The following TMEM156 variants were observed in gnomAD, a reference collection of about 807,000 sequenced individuals.
TMEM156 encodes transmembrane protein 156.
Under a neutral mutation model 30.5 loss-of-function variants are expected in TMEM156, and 28 were observed. The observed-to-expected ratio is 0.92, with a 90% CI of 0.68 to 1.26. The LOEUF is 1.26. TMEM156 is among the 50% of genes most tolerant of loss of function. The probability of loss-of-function intolerance (pLI) is 0.00; values close to 1 mark genes in which losing one functional copy is unlikely to be tolerated. For missense variants in TMEM156, 351 were observed against 340.6 expected, an observed-to-expected ratio of 1.03 and a Z score of -0.24; for synonymous variants, 137 against 119.9, an observed-to-expected ratio of 1.14 and a Z score of -0.93.
chr4:39,008,156 C>A (rs1713871647), intron 1 of TMEM156, among the ~76,000 whole-genome samples: 1 of 152,040 alleles, frequency 6.6e-6, no homozygotes, highest in Non-Finnish European at 1.5e-5. Flanking sequence ...ACGTTCAGTA[C>A]CATGTTGAAT....
intron 1 of TMEM156, among the ~76,000 whole-genome samples, chr4:39,029,855 G>GA (rs1715415775): frequency 6.6e-6 from 1 of 151,464 alleles, no homozygotes; most frequent in Non-Finnish European, 1.5e-5. Context: ...TAAACCATTA[G>GA]AAAAAAATAA....
At chr4:38,986,832 AAAAAAAAAAAAAAAAAAAAG>A (rs1560362203) in intron 4 of TMEM156, among the ~76,000 whole-genome samples, 1 of 143,782 alleles carries the variant, frequency 7.0e-6, no homozygotes, top group Non-Finnish European at 1.5e-5. Context: ...AAAAAAAAAA[AAAAAAAAAAAAAAAAAAAAG>A]GAAAGCGACA....
chr4:39,013,640 T>C (rs1714280859), intron 1 of TMEM156, among the ~76,000 whole-genome samples: 1 of 151,990 alleles, frequency 6.6e-6, no homozygotes. Flanking sequence ...GACCTCATGA[T>C]CCACCCGCCT....
chr4:38,993,230 G>T (rs1197837853), intron 3 of TMEM156, among the ~76,000 whole-genome samples: 1 of 152,002 alleles, frequency 6.6e-6, no homozygotes, highest in Non-Finnish European at 1.5e-5. Context: ...AGGAGTTCAA[G>T]ACCAGCCTGG....
chr4:39,019,067 C>T (rs1577580450), intron 1 of TMEM156, among the ~76,000 whole-genome samples: 2 of 150,644 alleles, frequency 1.3e-5, no homozygotes, highest in Admixed American at 1.3e-4. Flanking sequence ...AGTTTTCATG[C>T]TCTGCAGAAT....
intron 1 of TMEM156, among the ~76,000 whole-genome samples, chr4:39,013,384 T>C (rs1166779687): frequency 1.1e-5 from 1 of 90,204 alleles, no homozygotes; most frequent in Non-Finnish European, 2.0e-5. Context: ...TTTATTTATT[T>C]ATTTATTTAT....
intron 1 of TMEM156, 118 bp downstream of exon 1, chr4:39,032,108 A>G: frequency 3.1e-6 from 2 of 644,128 alleles, no homozygotes; most frequent in Admixed American, 2.8e-5. Flanking sequence ...AGTTTTTCAG[A>G]TCTAGAACTT....
At chr4:39,012,797 T>G (rs1458049218) in intron 1 of TMEM156, among the ~76,000 whole-genome samples, 1 of 152,020 alleles carries the variant, frequency 6.6e-6, no homozygotes, top group Non-Finnish European at 1.5e-5. Flanking sequence ...AAAATTAGCC[T>G]GCCGTGGGGC....
In TMEM156 at chr4:38,998,752, G is replaced by C; in HGVS notation, c.246C>G (p.Asn82Lys). 1 of 1,613,864 alleles carries C rather than the reference G, an allele frequency of 6.2e-7. No individual in the cohort carries two copies. The highest frequency in any genetic ancestry group is 8.5e-7 in the Non-Finnish European group (1 of 1,179,912). ...RIFLNPSNFR[N>K]FTRTCQDITG... The stretch of plus-strand genomic sequence containing the variant: ...TGATGTCTTGGCAAGTCCTGGTGAA[G>C]TTACGAAAATTGGAGGGATTTAGAA... Residue 82 changes from asparagine (N) to lysine (K), a missense_variant, in exon 2 of 7, where the codon AAC (asparagine) becomes AAG (lysine). Physicochemically the swap from Asn to Lys is moderately conservative, Grantham distance 94 (BLOSUM62 0). Transcript: ENST00000381938.
At chr4:38,982,789 T>C (rs1332110897) in intron 5 of TMEM156, among the ~76,000 whole-genome samples, 1 of 152,210 alleles carries the variant, frequency 6.6e-6, no homozygotes, top group Admixed American at 6.5e-5. Flanking sequence ...TCACTCTTTT[T>C]GATGGACATA....
At chr4:38,990,626 C>A (rs62294545) in intron 3 of TMEM156, among the ~76,000 whole-genome samples, 28,548 of 151,882 alleles carry the variant, frequency 0.19, 3,012 homozygotes, top group Non-Finnish European at 0.23. Context: ...GCCCACCCAT[C>A]CCTGCAGCCT....
chr4:39,021,942 G>T (rs1030979142), intron 1 of TMEM156, among the ~76,000 whole-genome samples: 1 of 152,156 alleles, frequency 6.6e-6, no homozygotes, highest in Non-Finnish European at 1.5e-5. Context: ...ATTCTTTGAA[G>T]ATCCGATTCT....
chr4:38,992,334 C>T (rs1291711304), intron 3 of TMEM156, among the ~76,000 whole-genome samples: 2 of 151,916 alleles, frequency 1.3e-5, no homozygotes, highest in Admixed American at 1.3e-4. Context: ...ACAGCAGGCA[C>T]TCATTAAATG....
At chr4:39,014,414 T>C (rs1380384261) in intron 1 of TMEM156, among the ~76,000 whole-genome samples, 1 of 152,138 alleles carries the variant, frequency 6.6e-6, no homozygotes, top group Non-Finnish European at 1.5e-5. Flanking sequence ...CCAGTTTCTG[T>C]AGATAGAATC....
chr4:39,012,759 G>A (rs1251733201), intron 1 of TMEM156, among the ~76,000 whole-genome samples: 1 of 152,088 alleles, frequency 6.6e-6, no homozygotes, highest in African/African-American at 2.4e-5. Flanking sequence ...GGCTGACATG[G>A]TGAAACCCCA....
chr4:38,974,141 G>A (rs1722737029), intron 5 of TMEM156, among the ~76,000 whole-genome samples: 1 of 150,728 alleles, frequency 6.6e-6, no homozygotes, highest in African/African-American at 2.4e-5. Context: ...TTTTATTTAG[G>A]ATTTTTGCAT....
chr4:38,996,406 CAA>C (rs57823248), intron 2 of TMEM156, among the ~76,000 whole-genome samples: 123 of 116,988 alleles, frequency 1.1e-3, no homozygotes, highest in Admixed American at 3.8e-3. Context: ...ACTAAAAATA[CAA>C]AAAAAAAAAA....
intron 1 of TMEM156, among the ~76,000 whole-genome samples, chr4:39,013,009 T>C (rs1714224361): frequency 6.7e-6 from 1 of 148,532 alleles, no homozygotes; most frequent in Non-Finnish European, 1.5e-5. Flanking sequence ...TGGAAAAGAG[T>C]AGTATGAGGC....
intron 1 of TMEM156, among the ~76,000 whole-genome samples, chr4:39,008,978 T>C (rs1057302391): frequency 1.3e-5 from 2 of 152,110 alleles, no homozygotes; most frequent in Admixed American, 1.3e-4. Context: ...AAGTTGTTTT[T>C]TCAAAGGATA....
Sources: allele counts gnomAD v4.1 joint callset (sites outside exome capture counted in the v4.1 genomes callset), GRCh38; gene constraint gnomAD v4.1.1; transcripts MANE v1.5; gene names NCBI Gene and HGNC (gene_info 2026-07-23, HGNC 2026-07-21).